Variants in OCA2 observed in about 807,000 individuals in gnomAD.
The protein encoded by OCA2 is OCA2 melanosomal transmembrane protein.
In OCA2, 77 loss-of-function variants were observed where a neutral mutation model predicts 100.2. The observed-to-expected ratio is 0.77, with a 90% confidence interval of 0.64 to 0.93. OCA2 has a LOEUF of 0.93. OCA2 is among the 40% of genes least tolerant of loss of function. OCA2 has a pLI of 0.00. For synonymous variants in OCA2, 432 were observed against 439.2 expected, an observed-to-expected ratio of 0.98 and a Z score of 0.21; for missense variants, 1,062 against 1,089.1, an observed-to-expected ratio of 0.98 and a Z score of 0.35.
At chr15:27,834,607 C>A (rs575833196) in intron 23 of OCA2, among the ~76,000 whole-genome samples, 2 of 152,264 alleles carry the variant, frequency 1.3e-5, no homozygotes, top group African/African-American at 4.8e-5. Flanking sequence ...AGGGATGGAG[C>A]CCTTAGCCTG....
At chr15:27,866,375 A>G (rs963751935) in intron 21 of OCA2, among the ~76,000 whole-genome samples, 9 of 152,190 alleles carry the variant, frequency 5.9e-5, no homozygotes, top group African/African-American at 2.2e-4. Context: ...AGGGAGGTGC[A>G]CAGCTAGGGT....
chr15:28,002,526 A>G (rs891548186), intron 9 of OCA2, among the ~76,000 whole-genome samples: 3 of 152,188 alleles, frequency 2.0e-5, no homozygotes, highest in Non-Finnish European at 4.4e-5. Flanking sequence ...TGGGGGCAGG[A>G]GCCCTTAACA....
intron 19 of OCA2, among the ~76,000 whole-genome samples, chr15:27,877,333 T>C (rs2036831624): frequency 6.6e-6 from 1 of 152,006 alleles, no homozygotes; most frequent in African/African-American, 2.4e-5. Flanking sequence ...CAAATGTCAA[T>C]TGAATCAACG....
chr15:27,820,036 T>C (rs930308466), intron 23 of OCA2, among the ~76,000 whole-genome samples: 1 of 152,012 alleles, frequency 6.6e-6, no homozygotes, highest in African/African-American at 2.4e-5. Context: ...TGGAGAGCGC[T>C]CCCAATGGCC....
At chr15:27,747,416 A>G in the OCA2 span, among the ~76,000 whole-genome samples, 103 of 152,366 alleles carry the variant, frequency 6.8e-4, no homozygotes, top group African/African-American at 2.3e-3. Flanking sequence ...GGTGTATAAC[A>G]GCCAGTTCTG....
At chr15:28,068,178 T>C (rs763371640) in intron 2 of OCA2, among the ~76,000 whole-genome samples, 19 of 152,206 alleles carry the variant, frequency 1.2e-4, no homozygotes, top group Admixed American at 1.0e-3. Flanking sequence ...ATTTGCATGG[T>C]AGATTTTACT....
intron 2 of OCA2, among the ~76,000 whole-genome samples, chr15:28,053,865 C>A (rs550385722): frequency 4.6e-5 from 7 of 152,348 alleles, no homozygotes; most frequent in Non-Finnish European, 8.8e-5. Flanking sequence ...GCCCACTGAG[C>A]TCAGGTCATC....
chr15:27,964,175 A>G (rs763767140), intron 15 of OCA2, among the ~76,000 whole-genome samples: 99 of 152,250 alleles, frequency 6.5e-4, no homozygotes, highest in Admixed American at 5.9e-4. Flanking sequence ...AGAAAAAAGT[A>G]ATAGCAATTC....
chr15:27,817,997 T>C (rs561203496), intron 23 of OCA2, among the ~76,000 whole-genome samples: 1 of 152,360 alleles, frequency 6.6e-6, no homozygotes, highest in Admixed American at 6.5e-5. Flanking sequence ...GTACTTCTTA[T>C]TTTCTTCAGG....
At chr15:28,088,993 G>A (rs1034820888) in intron 1 of OCA2, among the ~76,000 whole-genome samples, 1 of 152,182 alleles carries the variant, frequency 6.6e-6, no homozygotes, top group Non-Finnish European at 1.5e-5. Flanking sequence ...ATCGACAACC[G>A]TAAAAGACAG....
intron 2 of OCA2, among the ~76,000 whole-genome samples, chr15:28,037,384 C>T (rs150586667): frequency 6.6e-6 from 1 of 152,194 alleles, no homozygotes; most frequent in Non-Finnish European, 1.5e-5. Context: ...AGCAATGAGG[C>T]CTTCTCTGTA....
At chr15:28,016,022 A>G (rs559829450) in intron 8 of OCA2, 82 bp downstream of exon 8, 4 of 1,089,306 alleles carry the variant, frequency 3.7e-6, no homozygotes, top group Non-Finnish European at 4.3e-6. Flanking sequence ...GTGGGCCGAA[A>G]TCAGTGTCCT....
At chr15:27,896,200 G>C in intron 19 of OCA2, 1 of 914,532 alleles carries the variant, frequency 1.1e-6, no homozygotes. Flanking sequence ...GTAGATAGAG[G>C]CTTGTCTATC....
intron 9 of OCA2, among the ~76,000 whole-genome samples, chr15:27,996,737 A>T (rs2041739877): frequency 6.6e-6 from 1 of 152,100 alleles, no homozygotes; most frequent in South Asian, 2.1e-4. Flanking sequence ...ACCAAGACTG[A>T]ATCAAGAAAA....
chr15:27,764,344 A>G (rs2031087935), intron 23 of OCA2, among the ~76,000 whole-genome samples: 1 of 152,096 alleles, frequency 6.6e-6, no homozygotes, highest in African/African-American at 2.4e-5. Flanking sequence ...GCCAGCAAAG[A>G]ATAACACTCA....
intron 19 of OCA2, among the ~76,000 whole-genome samples, chr15:27,902,219 G>T (rs61418832): frequency 0.62 from 74,802 of 119,774 alleles, 19,510 homozygotes; most frequent in African/African-American, 0.75. Flanking sequence ...TGTTGTTGTT[G>T]TTTTTTTCTA....
At chr15:27,809,773 A>C (rs995979171) in intron 23 of OCA2, among the ~76,000 whole-genome samples, 4 of 152,222 alleles carry the variant, frequency 2.6e-5, no homozygotes, top group Admixed American at 2.6e-4. Flanking sequence ...CAATAGCTGC[A>C]AAACATAAAA....
intron 5 of OCA2, among the ~76,000 whole-genome samples, chr15:28,023,421 A>T (rs2042654687): frequency 6.6e-6 from 1 of 152,206 alleles, no homozygotes; most frequent in African/African-American, 2.4e-5. Flanking sequence ...GTCACAGCTG[A>T]GAGCGGACCC....
the OCA2 span, among the ~76,000 whole-genome samples, chr15:27,725,230 C>T: frequency 6.6e-6 from 1 of 152,230 alleles, no homozygotes; most frequent in African/African-American, 2.4e-5. Flanking sequence ...TACTGGACCA[C>T]ACGCCAACAT....
Sources: allele counts gnomAD v4.1 joint callset (sites outside exome capture counted in the v4.1 genomes callset), GRCh38; gene constraint gnomAD v4.1.1; transcripts MANE v1.5; gene names NCBI Gene and HGNC (gene_info 2026-07-23, HGNC 2026-07-21).